THNSL1: variants seen among roughly 807,000 people sequenced by gnomAD.
THNSL1 encodes the protein threonine synthase-like 1.
In THNSL1, 48 loss-of-function variants were observed where a neutral mutation model predicts 50.4. The observed-to-expected ratio is 0.95, with a 90% confidence interval of 0.76 to 1.21. THNSL1 has a LOEUF of 1.21. Ranked by LOEUF, THNSL1 falls within the 50% of genes most tolerant of loss-of-function variation. The pLI, the probability that THNSL1 is intolerant of heterozygous loss-of-function variation, is 0.00. For missense variants in THNSL1, 896 were observed against 871.7 expected (o/e 1.03, Z -0.35); for synonymous variants, 309 against 306.1 (o/e 1.01, Z -0.10).
chr10:25,017,769 A>G (rs1020478430), intron 1 of THNSL1, among the ~76,000 whole-genome samples: 1 of 152,170 alleles, frequency 6.6e-6, no homozygotes, highest in African/African-American at 2.4e-5. Context: ...ATCCAAATCT[A>G]TATCACTTTG....
chr10:24,992,012 C>T, the THNSL1 span, among the ~76,000 whole-genome samples: 37 of 152,150 alleles, frequency 2.4e-4, no homozygotes, highest in African/African-American at 8.7e-4. Context: ...GTACACTCTG[C>T]GAGGGGAATA....
chr10:24,999,317 G>C, the THNSL1 span: 1 of 1,354,226 alleles, frequency 7.4e-7, no homozygotes, highest in Admixed American at 2.3e-5. Context: ...ACCTGTGCAT[G>C]TTTAATATTC....
At chr10:25,014,200 T>C (rs1237452297), upstream of THNSL1, among the ~76,000 whole-genome samples, 1 of 152,156 alleles carries the variant, frequency 6.6e-6, no homozygotes, top group African/African-American at 2.4e-5. Context: ...TGATAAATTT[T>C]AGTGTTCATA....
chr10:25,005,489 T>C, the THNSL1 span, among the ~76,000 whole-genome samples: 1 of 152,248 alleles, frequency 6.6e-6, no homozygotes, highest in South Asian at 2.1e-4. Context: ...ATGGGCAAAA[T>C]AGGCATCAAG....
intron 1 of THNSL1, among the ~76,000 whole-genome samples, chr10:25,019,644 C>T (rs1850678550): frequency 6.6e-6 from 1 of 152,146 alleles, no homozygotes; most frequent in Non-Finnish European, 1.5e-5. Context: ...AATACTACAC[C>T]ATTTTATATA....
At chr10:24,958,778 G>C in the THNSL1 span, among the ~76,000 whole-genome samples, 1 of 152,182 alleles carries the variant, frequency 6.6e-6, no homozygotes, top group African/African-American at 2.4e-5. Context: ...AATAATGTCA[G>C]ACCTGAGGAA....
At chr10:25,014,961 T>C (rs1245153160), upstream of THNSL1, among the ~76,000 whole-genome samples, 1 of 152,160 alleles carries the variant, frequency 6.6e-6, no homozygotes, top group African/African-American at 2.4e-5. Context: ...AAATGAAACT[T>C]TATTCTAAAG....
In THNSL1 at chr10:25,025,079, G is replaced by C. The variant is rs1358123913; in HGVS notation, c.1856G>C (p.Cys619Ser). 30 of 1,614,074 alleles carry C rather than the reference G, an allele frequency of 1.9e-5. No homozygotes were observed. Among genetic ancestry groups the C allele is most frequent in the Non-Finnish European group, 2.5e-5 (30 of 1,180,044 alleles). Residue 619 changes from cysteine to serine, a missense_variant, in exon 3 of 3, where the codon TGC becomes TCC. By Grantham distance (112) the Cys-to-Ser change is moderately radical. Coordinates refer to ENST00000376356, the MANE Select transcript of THNSL1 (RefSeq NM_024838.5). ...CAGCAGGATTTTGTAGCTGACTGGT[G>C]CTCTGAGGGAGAGTGCCTAGCAGCT... ...KLQQDFVADW[C>S]SEGECLAAIN...
the THNSL1 span, among the ~76,000 whole-genome samples, chr10:24,956,203 C>T: frequency 2.0e-5 from 3 of 151,426 alleles, no homozygotes; most frequent in South Asian, 2.1e-4. Context: ...AATTGCATGT[C>T]GCAGGGGTTA....
At chr10:25,015,903 T>G, upstream of THNSL1, 1 of 1,608,094 alleles carries the variant, frequency 6.2e-7, no homozygotes, top group Non-Finnish European at 8.5e-7. Flanking sequence ...GGTATGAGGT[T>G]ATAAATGCAC....
Position 25,024,490 on chromosome 10 carries a change from A to C in THNSL1, c.1267A>C (p.Ser423Arg). The change falls in exon 3 of 3, where the codon AGT becomes CGT. Residue 423 changes from serine (S) to arginine (R), a missense_variant. Ser to Arg is a moderately radical substitution (Grantham distance 110, BLOSUM62 -1). Coordinates refer to ENST00000376356, the MANE Select transcript of THNSL1 (RefSeq NM_024838.5). Reference sequence around the variant, plus strand: ...TTTTCAAAAAGCACAAATAATTGGCAGTCAGAGAGAAAATGGATGGGCAGT... The same window carrying C: ...TTTTCAAAAAGCACAAATAATTGGCCGTCAGAGAGAAAATGGATGGGCAGT... ...SDFQKAQIIG[S>R]QRENGWAVGV... The C allele has an allele frequency of 6.2e-7, 1 of 1,614,252 alleles. No homozygotes were observed. Among genetic ancestry groups the C allele is most frequent in the Non-Finnish European group, 8.5e-7 (1 of 1,180,042 alleles).
At chr10:25,009,491 T>A in the THNSL1 span, among the ~76,000 whole-genome samples, 1 of 152,240 alleles carries the variant, frequency 6.6e-6, no homozygotes, top group African/African-American at 2.4e-5. Flanking sequence ...GAGAATCTTG[T>A]TAAATCCTTG....
chr10:25,013,557 T>A (rs1395179120), upstream of THNSL1, among the ~76,000 whole-genome samples: 1 of 152,244 alleles, frequency 6.6e-6, no homozygotes, highest in Admixed American at 6.5e-5. Context: ...AGATAATGGT[T>A]TCATGGACTG....
chr10:24,974,069 T>C, the THNSL1 span, among the ~76,000 whole-genome samples: 1 of 152,098 alleles, frequency 6.6e-6, no homozygotes, highest in Non-Finnish European at 1.5e-5. Context: ...GGTTTAATGA[T>C]ATACAGACAT....
chr10:25,004,548 C>T, the THNSL1 span, among the ~76,000 whole-genome samples: 1 of 152,078 alleles, frequency 6.6e-6, no homozygotes, highest in Non-Finnish European at 1.5e-5. Flanking sequence ...GCTTGTTGGT[C>T]ACATGTATGT....
chr10:24,960,615 C>T, the THNSL1 span, among the ~76,000 whole-genome samples: 5 of 151,894 alleles, frequency 3.3e-5, no homozygotes, highest in South Asian at 4.2e-4. Flanking sequence ...TTAATAGAGA[C>T]AGGGTTTTAC....
At chr10:24,958,539 G>C in the THNSL1 span, among the ~76,000 whole-genome samples, 2 of 152,172 alleles carry the variant, frequency 1.3e-5, no homozygotes, top group African/African-American at 4.8e-5. Flanking sequence ...TTAAGCAAAG[G>C]CCTCATTAGT....
the THNSL1 span, among the ~76,000 whole-genome samples, chr10:24,977,550 G>A: frequency 2.2e-4 from 33 of 152,164 alleles, no homozygotes; most frequent in Admixed American, 2.0e-3. Flanking sequence ...CATCAATAGG[G>A]TACTGGTGAA....
chr10:24,995,022 A>G, the THNSL1 span, among the ~76,000 whole-genome samples: 1 of 151,328 alleles, frequency 6.6e-6, no homozygotes, highest in African/African-American at 2.4e-5. Flanking sequence ...ATATGTCTCA[A>G]AAAAAATCTA....
Sources: allele counts gnomAD v4.1 joint callset (sites outside exome capture counted in the v4.1 genomes callset), GRCh38; gene constraint gnomAD v4.1.1; transcripts MANE v1.5; gene names NCBI Gene and HGNC (gene_info 2026-07-23, HGNC 2026-07-21).